NAV2: variants seen among roughly 807,000 people sequenced by gnomAD.
NAV2 encodes neuron navigator 2, also known as helicase, APC down-regulated 1.
Under a neutral mutation model 223.2 loss-of-function variants are expected in NAV2, and 54 were observed. The ratio of observed to expected loss-of-function variants is 0.24; its 90% CI spans 0.19 to 0.30. NAV2 has a LOEUF of 0.30. Ranked by LOEUF, NAV2 falls within the 10% of genes least tolerant of loss-of-function variation. NAV2 has a pLI of 1.00. For synonymous variants in NAV2, 1,279 were observed against 1,239.3 expected, an observed-to-expected ratio of 1.03 and a Z score of -0.67; for missense variants, 2,806 against 3,147.5, an observed-to-expected ratio of 0.89 and a Z score of 2.60.
At chr11:19,528,774 A>G (rs1218982396) in intron 1 of NAV2, among the ~76,000 whole-genome samples, 1 of 152,074 alleles carries the variant, frequency 6.6e-6, no homozygotes, top group Non-Finnish European at 1.5e-5. Context: ...TACTAAAAAT[A>G]CAGAAATTAG....
intron 5 of NAV2, among the ~76,000 whole-genome samples, chr11:19,889,874 T>C (rs1008555603): frequency 6.6e-6 from 1 of 152,262 alleles, no homozygotes; most frequent in Non-Finnish European, 1.5e-5. Context: ...CGCCGAAGCC[T>C]ATCTTGCCTC....
chr11:20,075,018 T>C (rs1337704310), intron 22 of NAV2, among the ~76,000 whole-genome samples: 1 of 152,134 alleles, frequency 6.6e-6, no homozygotes, highest in Admixed American at 6.5e-5. Flanking sequence ...ATCATTTACA[T>C]TTAACTTTGT....
intron 1 of NAV2, among the ~76,000 whole-genome samples, chr11:19,542,342 G>A (rs1343755420): frequency 2.0e-5 from 3 of 152,144 alleles, no homozygotes; most frequent in Admixed American, 6.5e-5. Flanking sequence ...ACTATAATAC[G>A]ATTATCCCCA....
At chr11:19,695,639 C>T (rs2049308781) in intron 1 of NAV2, among the ~76,000 whole-genome samples, 1 of 152,136 alleles carries the variant, frequency 6.6e-6, no homozygotes, top group Non-Finnish European at 1.5e-5. Flanking sequence ...CATGGTGGCT[C>T]ACGCCTGTAA....
chr11:19,707,137 G>A (rs558095355), intron 1 of NAV2, among the ~76,000 whole-genome samples: 1 of 152,302 alleles, frequency 6.6e-6, no homozygotes, highest in African/African-American at 2.4e-5. Flanking sequence ...GTGAGAGAAT[G>A]TAAAGGCCTA....
rs769099587 is a variant in NAV2, at chr11:19,997,936, A to C, written c.2768+13689A>C. Among the ~76,000 whole-genome samples, 38 of 152,040 alleles carry C rather than the reference A, an allele frequency of 2.5e-4. 1 individual carries two copies. The highest frequency in any genetic ancestry group is 8.9e-4 in the African/African-American group (37 of 41,472). ...TAGGATCCTCTGGGGGCTCTCATCT[A>C]TCCGGGGTCTCTCCATAACCATGTT... On this transcript the variant is annotated intron_variant, in intron 11 of 37. Coordinates refer to ENST00000349880, the MANE Select transcript of NAV2 (RefSeq NM_145117.5).
In NAV2 at chr11:19,993,806, T is replaced by G. The variant is rs552749740; in HGVS notation, c.2768+9559T>G. Among the ~76,000 whole-genome samples, 43 of 152,332 alleles carry G rather than the reference T, an allele frequency of 2.8e-4. 2 individuals carry two copies. In the South Asian group the frequency reaches 8.5e-3, roughly 30 times the overall value. Reference sequence around the variant, plus strand: ...ATTCAATGCTATGAGTCAGTTGTATTTCAACAAAGTATATGGACCATGTTT... The same window carrying G: ...ATTCAATGCTATGAGTCAGTTGTATGTCAACAAAGTATATGGACCATGTTT... On this transcript the variant is annotated intron_variant, in intron 11 of 37. Coordinates refer to ENST00000349880, the MANE Select transcript of NAV2 (RefSeq NM_145117.5).
intron 1 of NAV2, among the ~76,000 whole-genome samples, chr11:19,406,074 G>T (rs899614506): frequency 6.6e-6 from 1 of 152,198 alleles, no homozygotes; most frequent in Admixed American, 6.5e-5. Flanking sequence ...GCTATGAGGT[G>T]CCTGGTAGGT....
chr11:20,032,655 C>A (rs1463607448), intron 11 of NAV2, among the ~76,000 whole-genome samples: 1 of 152,218 alleles, frequency 6.6e-6, no homozygotes. Flanking sequence ...AAATTTGAGT[C>A]CTTTTCCATC....
At chr11:19,668,220 A>G (rs964117162) in intron 1 of NAV2, among the ~76,000 whole-genome samples, 1 of 152,196 alleles carries the variant, frequency 6.6e-6, no homozygotes. Context: ...CATATGAAAC[A>G]TTGTCGCCAT....
At chr11:19,594,209 G>T (rs192673077) in intron 1 of NAV2, among the ~76,000 whole-genome samples, 199 of 152,222 alleles carry the variant, frequency 1.3e-3, no homozygotes, top group African/African-American at 4.6e-3. Context: ...GAAAGTGAAG[G>T]CCAGCAATGA....
intron 19 of NAV2, among the ~76,000 whole-genome samples, chr11:20,059,504 A>G (rs2058570718): frequency 6.6e-6 from 1 of 152,076 alleles, no homozygotes; most frequent in Admixed American, 6.6e-5. Context: ...CTTCTCAAAC[A>G]TTCCTAGGTT....
At chr11:19,551,892 TCCTCTTCTCTC>T (rs1376212440) in intron 1 of NAV2, among the ~76,000 whole-genome samples, 2 of 142,790 alleles carry the variant, frequency 1.4e-5, no homozygotes, top group African/African-American at 6.2e-5. Context: ...TCCTCTCCTC[TCCTCTTCTCTC>T]TCTCTCTCTC....
At chr11:19,597,203 G>C (rs1243491886) in intron 1 of NAV2, among the ~76,000 whole-genome samples, 1 of 152,200 alleles carries the variant, frequency 6.6e-6, no homozygotes, top group African/African-American at 2.4e-5. Flanking sequence ...GTTAGGAAGA[G>C]TAAATGAAAT....
At chr11:20,058,780 A>G (rs754566194) in intron 19 of NAV2, among the ~76,000 whole-genome samples, 1 of 152,234 alleles carries the variant, frequency 6.6e-6, no homozygotes, top group Non-Finnish European at 1.5e-5. Flanking sequence ...GTGAAAAATA[A>G]TTGTACCTGC....
intron 3 of NAV2, among the ~76,000 whole-genome samples, chr11:19,863,428 T>C (rs1306602739): frequency 1.3e-5 from 2 of 152,198 alleles, no homozygotes; most frequent in Admixed American, 6.5e-5. Flanking sequence ...TGGTAGGTTC[T>C]TATTCTCCCC....
intron 1 of NAV2, among the ~76,000 whole-genome samples, chr11:19,745,822 G>A (rs2053287347): frequency 6.6e-6 from 1 of 152,116 alleles, no homozygotes; most frequent in African/African-American, 2.4e-5. Context: ...AGGTGGTAAT[G>A]CTCACTCGCC....
chr11:19,580,431 T>A (rs2045683787), intron 1 of NAV2, among the ~76,000 whole-genome samples: 1 of 152,086 alleles, frequency 6.6e-6, no homozygotes, highest in Admixed American at 6.5e-5. Context: ...CTATGAAAAG[T>A]CCAAAGGTAG....
intron 22 of NAV2, among the ~76,000 whole-genome samples, chr11:20,074,211 A>G (rs1032280751): frequency 2.0e-5 from 3 of 152,270 alleles, no homozygotes; most frequent in Middle Eastern, 3.4e-3. Flanking sequence ...ATTCAGGAGC[A>G]GGTTGTTCAG....
Sources: allele counts gnomAD v4.1 joint callset (sites outside exome capture counted in the v4.1 genomes callset), GRCh38; gene constraint gnomAD v4.1.1; transcripts MANE v1.5; gene names NCBI Gene and HGNC (gene_info 2026-07-23, HGNC 2026-07-21).